SERPINI2: variants seen among roughly 807,000 people sequenced by gnomAD.
The protein encoded by SERPINI2 is serpin I2.
In SERPINI2, 48 loss-of-function variants were observed where a neutral mutation model predicts 47.3. That is an observed-to-expected ratio of 1.02 (90% CI 0.81 to 1.29). SERPINI2 has a LOEUF of 1.29. SERPINI2 is among the 50% of genes most tolerant of loss of function. SERPINI2 has a pLI of 0.00. For missense variants in SERPINI2, 448 were observed against 456.9 expected, an observed-to-expected ratio of 0.98 and a Z score of 0.18; for synonymous variants, 135 against 149.3, an observed-to-expected ratio of 0.90 and a Z score of 0.70.
At chr3:167,470,550 CTTTTTTTTT>C (rs536884425) in intron 2 of SERPINI2, among the ~76,000 whole-genome samples, 22,209 of 92,828 alleles carry the variant, frequency 0.24, 2,468 homozygotes, top group South Asian at 0.31. Context: ...TGAGCAACAA[CTTTTTTTTT>C]TTTTTTTTTT....
At chr3:167,464,814 A>G (rs902615991) in intron 5 of SERPINI2, among the ~76,000 whole-genome samples, 1 of 152,358 alleles carries the variant, frequency 6.6e-6, no homozygotes, top group Admixed American at 6.5e-5. Context: ...GTGATATAAC[A>G]TATCTTTCAA....
exon 3 of SERPINI2, chr3:167,467,267 A>T: frequency 1.9e-6 from 3 of 1,609,992 alleles, no homozygotes; most frequent in Non-Finnish European, 2.5e-6. Context: ...AAATGACTTC[A>T]GTACAAAAAA....
upstream of SERPINI2, among the ~76,000 whole-genome samples, chr3:167,474,781 A>G (rs536288785): frequency 5.9e-5 from 9 of 151,826 alleles, no homozygotes; most frequent in South Asian, 1.9e-3. Context: ...AATGGGTTTC[A>G]TCTCATTTTT....
At chr3:167,442,216 T>C (rs1460573844) in intron 8 of SERPINI2, 31 bp from the exon 9 acceptor site, 1 of 1,492,402 alleles carries the variant, frequency 6.7e-7, no homozygotes, top group Non-Finnish European at 9.0e-7. Flanking sequence ...AAATATACTT[T>C]AGGAATTTCA....
intron 8 of SERPINI2, among the ~76,000 whole-genome samples, chr3:167,444,710 C>A (rs1390066919): frequency 6.6e-6 from 1 of 152,034 alleles, no homozygotes; most frequent in East Asian, 1.9e-4. Context: ...AGGAGTAACC[C>A]TAGTTTAGAA....
chr3:167,466,998 A>G lies in SERPINI2; in HGVS notation c.478+57T>C, dbSNP rs531791628. On this transcript the variant is annotated intron_variant, in intron 3 of 8. Transcript: ENST00000264677. Reference sequence around the variant, plus strand: ...ATTCAGCCATTCTTTACTTTAGGATATTAAAAACCATGAATACAATGGCAA... The same window carrying G: ...ATTCAGCCATTCTTTACTTTAGGATGTTAAAAACCATGAATACAATGGCAA... The G allele has an allele frequency of 6.2e-5, 79 of 1,273,454 alleles. No homozygotes were observed. The South Asian group carries it at 9.3e-4, about 15-fold the overall frequency. The allele number at this position is 1,273,454 out of a possible 1,614,324, so 78.9% of individuals were successfully genotyped here.
chr3:167,470,550 C>CTTGTTTTTTTT (rs1750277158), intron 2 of SERPINI2, among the ~76,000 whole-genome samples: 8 of 93,036 alleles, frequency 8.6e-5, no homozygotes, highest in African/African-American at 4.5e-4. Context: ...TGAGCAACAA[C>CTTGTTTTTTTT]TTTTTTTTTT....
chr3:167,461,085 A>G (rs1031431204), intron 5 of SERPINI2, among the ~76,000 whole-genome samples: 8 of 152,218 alleles, frequency 5.3e-5, no homozygotes, highest in Admixed American at 3.3e-4. Flanking sequence ...GTTTGAGTGC[A>G]ATAACTTCAA....
exon 7 of SERPINI2, chr3:167,449,374 C>T (rs374732350): frequency 1.9e-5 from 30 of 1,612,098 alleles, no homozygotes; most frequent in Non-Finnish European, 2.5e-5. Context: ...CTTTTTGCGT[C>T]ACTTGGGAAA....
intron 6 of SERPINI2, among the ~76,000 whole-genome samples, chr3:167,450,978 A>G (rs1474606186): frequency 1.3e-5 from 2 of 152,224 alleles, no homozygotes; most frequent in African/African-American, 4.8e-5. Flanking sequence ...CATTCATTAT[A>G]CCTTCATAGT....
chr3:167,450,865 A>G (rs1749622533), intron 6 of SERPINI2, among the ~76,000 whole-genome samples: 1 of 152,294 alleles, frequency 6.6e-6, no homozygotes, highest in African/African-American at 2.4e-5. Flanking sequence ...TAATCCACTT[A>G]GTCTCCTTTG....
chr3:167,444,650 C>T (rs145533090), intron 8 of SERPINI2, among the ~76,000 whole-genome samples: 11 of 152,142 alleles, frequency 7.2e-5, no homozygotes, highest in East Asian at 1.9e-4. Flanking sequence ...ATGGCAACAA[C>T]GGACAGTCCC....
upstream of SERPINI2, among the ~76,000 whole-genome samples, chr3:167,475,461 GCAGAGACCGT>G (rs1465983628): frequency 1.3e-5 from 2 of 151,608 alleles, no homozygotes; most frequent in Non-Finnish European, 3.0e-5. Context: ...CCTACCAATG[GCAGAGACCGT>G]CACTCTGTCC....
chr3:167,475,857 T>C (rs541730345), upstream of SERPINI2, among the ~76,000 whole-genome samples: 2 of 151,846 alleles, frequency 1.3e-5, no homozygotes, highest in East Asian at 3.9e-4. Flanking sequence ...ACAGTTATCA[T>C]CTCATCAATT....
chr3:167,475,049 A>T (rs1750448379), upstream of SERPINI2, among the ~76,000 whole-genome samples: 1 of 151,756 alleles, frequency 6.6e-6, no homozygotes, highest in Admixed American at 6.6e-5. Flanking sequence ...GCTATAACTT[A>T]AAAATAGGCC....
intron 7 of SERPINI2, among the ~76,000 whole-genome samples, chr3:167,447,217 A>G (rs1010931255): frequency 6.6e-6 from 1 of 152,202 alleles, no homozygotes; most frequent in African/African-American, 2.4e-5. Context: ...GAAAAATAAA[A>G]TCACTATGTA....
intron 5 of SERPINI2, among the ~76,000 whole-genome samples, chr3:167,458,464 G>C (rs1323246128): frequency 6.7e-6 from 1 of 150,350 alleles, no homozygotes; most frequent in Non-Finnish European, 1.5e-5. Context: ...GGGTTTAACG[G>C]TGTGAGCCAG....
chr3:167,448,943 T>C (rs1749561704), intron 7 of SERPINI2, among the ~76,000 whole-genome samples: 1 of 152,092 alleles, frequency 6.6e-6, no homozygotes, highest in African/African-American at 2.4e-5. Context: ...TAACTTGGTG[T>C]AATGAAAGAA....
At chr3:167,441,958 A>G in exon 9 of SERPINI2, 2 of 506,234 alleles carry the variant, frequency 4.0e-6, no homozygotes, top group East Asian at 3.4e-5. Context: ...ACCTAATTTT[A>G]CTTATTCATC....
Sources: gnomAD v4.1 joint callset for allele counts (sites outside exome capture counted in the v4.1 genomes callset) on GRCh38, gnomAD v4.1.1 for gene constraint, MANE v1.5 for transcripts, NCBI Gene and HGNC (gene_info 2026-07-23, HGNC 2026-07-21) for gene names.